Variants in BMP5 observed in about 807,000 individuals in gnomAD.
BMP5 encodes bone morphogenetic protein 5.
In BMP5, 23 loss-of-function variants were observed where a neutral mutation model predicts 46.6. That is an observed-to-expected ratio of 0.49 (90% CI 0.35 to 0.70). The LOEUF is 0.70. BMP5 is among the 30% of genes least tolerant of loss of function. The pLI, the probability that BMP5 is intolerant of heterozygous loss-of-function variation, is 0.00. For missense variants in BMP5, 545 were observed against 565.6 expected (o/e 0.96, Z 0.37); for synonymous variants, 204 against 191.9 (o/e 1.06, Z -0.52).
intron 1 of BMP5, among the ~76,000 whole-genome samples, chr6:55,844,761 C>T (rs1777056040): frequency 6.6e-6 from 1 of 151,552 alleles, no homozygotes; most frequent in Non-Finnish European, 1.5e-5. Context: ...AGTTTTGAAA[C>T]TCTAAGAATA....
intron 3 of BMP5, among the ~76,000 whole-genome samples, chr6:55,785,278 G>A (rs1172908040): frequency 1.3e-5 from 2 of 151,372 alleles, no homozygotes; most frequent in African/African-American, 4.8e-5. Flanking sequence ...TTGATAAGAA[G>A]AATGTTTGAA....
chr6:55,847,049 C>T (rs1338665449), intron 1 of BMP5, among the ~76,000 whole-genome samples: 1 of 151,820 alleles, frequency 6.6e-6, no homozygotes. Context: ...AGACCAGTCC[C>T]AAACATTGTA....
In BMP5 at chr6:55,760,465, C is replaced by T. The variant is rs201309175; in HGVS notation, c.1096G>A (p.Gly366Arg). ...HELYVSFRDL[G>R]WQDWIIAPEG... ...TGACTGAAAATTCCTACCTGCCATC[C>T]CAGATCCCGGAAGCTCACATAGAGT... Residue 366 changes from glycine to arginine, a missense_variant, in exon 5 of 7, where the codon GGA (glycine) becomes AGA (arginine). Coordinates refer to ENST00000370830, the MANE Select transcript of BMP5 (RefSeq NM_021073.4). The T allele has an allele frequency of 1.2e-6, 2 of 1,612,994 alleles. No individual in the cohort carries two copies. Among genetic ancestry groups the T allele is most frequent in the African/African-American group, 2.7e-5 (2 of 74,956 alleles).
At chr6:55,847,374 C>T (rs1777122506) in intron 1 of BMP5, among the ~76,000 whole-genome samples, 1 of 151,914 alleles carries the variant, frequency 6.6e-6, no homozygotes, top group Admixed American at 6.6e-5. Context: ...ATGTGTCCTA[C>T]TTACCCTCAC....
In BMP5 at chr6:55,875,049, T is replaced by C; in HGVS notation, c.-184A>G. ...ATTTTCCTGTCCTATTTTAAATATT[T>C]TGGAATATGTCAAGAGTAGTTATTT... On this transcript the variant is annotated 5_prime_UTR_variant, in exon 1 of 7. Transcript: ENST00000370830. The C allele has an allele frequency of 1.5e-6, 1 of 652,160 alleles. No individual in the cohort carries two copies. The highest frequency in any genetic ancestry group is 2.0e-5 in the South Asian group (1 of 50,366). The allele number at this position is 652,160 out of a possible 1,614,324, so 40.4% of individuals were successfully genotyped here.
At chr6:55,795,517 C>T (rs1775689639) in intron 2 of BMP5, among the ~76,000 whole-genome samples, 1 of 152,038 alleles carries the variant, frequency 6.6e-6, no homozygotes, top group Admixed American at 6.6e-5. Context: ...CTGTATACAT[C>T]ATAGAAGTCA....
chr6:55,835,115 G>A (rs1028428963), intron 1 of BMP5, among the ~76,000 whole-genome samples: 12 of 151,788 alleles, frequency 7.9e-5, no homozygotes, highest in Admixed American at 5.9e-4. Context: ...TATGTGGAGT[G>A]AGTTTGAGAA....
intron 4 of BMP5, chr6:55,772,680 A>G (rs1255711538): frequency 2.5e-6 from 2 of 813,312 alleles, no homozygotes; most frequent in Middle Eastern, 6.3e-4. Context: ...CGTTGTAATA[A>G]GGCACTAGTG....
intron 3 of BMP5, 59 bp downstream of exon 3, chr6:55,794,220 G>A (rs555311945): frequency 1.5e-5 from 23 of 1,580,084 alleles, no homozygotes; most frequent in Middle Eastern, 1.7e-4. Context: ...CATAAAAAAC[G>A]ATAACTCTCA....
intron 3 of BMP5, among the ~76,000 whole-genome samples, chr6:55,785,396 A>G (rs1775423471): frequency 6.6e-6 from 1 of 151,814 alleles, no homozygotes; most frequent in Non-Finnish European, 1.5e-5. Flanking sequence ...ATTTATGTTC[A>G]GTTACTCCTG....
chr6:55,874,569 G>C lies in BMP5; in HGVS notation c.297C>G (p.Tyr99Ter). Residue 99 changes from tyrosine to a stop codon, truncating the protein, a stop_gained, in exon 1 of 7, where the codon TAC becomes TAG. Coordinates refer to ENST00000370830, the MANE Select transcript of BMP5 (RefSeq NM_021073.4). LOFTEE classifies it high-confidence loss of function. The part of the protein sequence containing the change: ...TNEENPEESE[Y>*]SVRASLAEET... ...CTTCTGCCAAGGATGCCCTTACTGA[G>C]TACTCCGACTCTTCAGGATTTTCTT... 1 of 1,613,470 alleles carries C rather than the reference G, an allele frequency of 6.2e-7. No individual in the cohort carries two copies. The highest frequency in any genetic ancestry group is 1.3e-5 in the African/African-American group (1 of 74,950).
At chr6:55,853,138 TAAATAAAA>T (rs1777288092) in intron 1 of BMP5, among the ~76,000 whole-genome samples, 1 of 107,442 alleles carries the variant, frequency 9.3e-6, no homozygotes, top group South Asian at 3.2e-4. Context: ...CTCAAATACA[TAAATAAAA>T]TAAAATAAAA....
At chr6:55,804,422 C>A (rs1775938298) in intron 2 of BMP5, among the ~76,000 whole-genome samples, 1 of 152,110 alleles carries the variant, frequency 6.6e-6, no homozygotes, top group African/African-American at 2.4e-5. Flanking sequence ...GGGTGCGTGG[C>A]CTTACCAATT....
chr6:55,794,948 A>T (rs2127529252), intron 2 of BMP5, among the ~76,000 whole-genome samples: 1 of 152,272 alleles, frequency 6.6e-6, no homozygotes, highest in African/African-American at 2.4e-5. Flanking sequence ...AGAGTATTAC[A>T]GAGTAATACC....
chr6:55,782,705 C>T lies in BMP5; in HGVS notation c.833-8462G>A, dbSNP rs3798838. Among the ~76,000 whole-genome samples, 642 of 152,078 alleles carry T rather than the reference C, an allele frequency of 4.2e-3. 38 individuals carry two copies. In the East Asian group the frequency reaches 0.11, roughly 27 times the overall value. On this transcript the variant is annotated intron_variant, in intron 3 of 6. Transcript: ENST00000370830. ...ACTGGTACCTGAGAGTAATAAGAAG[C>T]GTGTCTGAAAGGATCAGGGACATTG...
At chr6:55,774,879 C>G (rs1452111319) in intron 3 of BMP5, among the ~76,000 whole-genome samples, 1 of 151,918 alleles carries the variant, frequency 6.6e-6, no homozygotes, top group Admixed American at 6.6e-5. Flanking sequence ...ACCTTTGCAC[C>G]AACCTGATAA....
intron 1 of BMP5, among the ~76,000 whole-genome samples, chr6:55,822,855 A>G (rs962106282): frequency 1.3e-5 from 2 of 152,140 alleles, no homozygotes; most frequent in African/African-American, 4.8e-5. Flanking sequence ...GTTTAATAAA[A>G]TTTTATATTA....
At chr6:55,773,295 C>A (rs1775089601) in intron 4 of BMP5, among the ~76,000 whole-genome samples, 1 of 151,826 alleles carries the variant, frequency 6.6e-6, no homozygotes, top group South Asian at 2.1e-4. Flanking sequence ...ACTAAAATAG[C>A]CACCATTTTC....
intron 2 of BMP5, among the ~76,000 whole-genome samples, chr6:55,815,203 A>T (rs1335469805): frequency 6.6e-6 from 1 of 152,126 alleles, no homozygotes; most frequent in Non-Finnish European, 1.5e-5. Context: ...GATTGAAAAA[A>T]TAATTAGTAA....
Sources: gnomAD v4.1 joint callset for allele counts (sites outside exome capture counted in the v4.1 genomes callset) on GRCh38, gnomAD v4.1.1 for gene constraint, MANE v1.5 for transcripts, NCBI Gene and HGNC (gene_info 2026-07-23, HGNC 2026-07-21) for gene names.